The following DMBT1 variants were observed in gnomAD, a reference collection of about 807,000 sequenced individuals.
DMBT1 encodes the protein deleted in malignant brain tumors 1.
Under a neutral mutation model 252.9 loss-of-function variants are expected in DMBT1, and 198 were observed. That is an observed-to-expected ratio of 0.78 (90% CI 0.70 to 0.88). The LOEUF (loss-of-function observed/expected upper bound fraction) is 0.88, where lower values mean the gene tolerates loss of function less well. DMBT1 is among the 40% of genes least tolerant of loss of function. The pLI, the probability that DMBT1 is intolerant of heterozygous loss-of-function variation, is 0.00. For missense variants in DMBT1, 2,432 were observed against 2,404.7 expected, an observed-to-expected ratio of 1.01 and a Z score of -0.24; for synonymous variants, 990 against 942.7, an observed-to-expected ratio of 1.05 and a Z score of -0.92.
Position 122,578,653 on chromosome 10 carries a change from C to T in DMBT1, c.638-65C>T, listed in dbSNP as rs974103247. On this transcript the variant is annotated intron_variant, in intron 8 of 55. Transcript: ENST00000338354. ...ACAGTGCTTGCCTGGTCCAGAGAAC[C>T]GCTTGTTTTTTACCTTTTTCCCTTC... 61 of 1,407,650 alleles carry T rather than the reference C, an allele frequency of 4.3e-5. 1 individual carries two copies. The East Asian group carries it at 7.7e-4, about 18-fold the overall frequency. 87.2% of individuals were successfully genotyped at this position (1,407,650 alleles called of 1,614,324 possible). A position where few individuals can be genotyped will look rare whatever the true frequency, so the allele number is the denominator to read the frequency against.
At chr10:122,633,467 G>T (rs2098183347) in intron 52 of DMBT1, 126 bp downstream of exon 52, 7 of 1,466,246 alleles carry the variant, frequency 4.8e-6, no homozygotes, top group Non-Finnish European at 4.6e-6. Flanking sequence ...GGGAATAAAT[G>T]GTGCTTAGAA....
intron 39 of DMBT1, among the ~76,000 whole-genome samples, chr10:122,616,867 G>A (rs1414877135): frequency 8.9e-5 from 7 of 78,956 alleles, no homozygotes; most frequent in Non-Finnish European, 1.2e-4. Flanking sequence ...ATTGTCCCCT[G>A]GGCAGCCCCT....
chr10:122,593,212 T>C (rs1275873887), intron 20 of DMBT1, among the ~76,000 whole-genome samples: 3 of 148,834 alleles, frequency 2.0e-5, no homozygotes, highest in African/African-American at 4.9e-5. Flanking sequence ...ATGGCCTTGT[T>C]ATTGCCTGTG....
chr10:122,568,931 G>C (rs562456946), intron 2 of DMBT1, among the ~76,000 whole-genome samples: 1 of 152,320 alleles, frequency 6.6e-6, no homozygotes, highest in East Asian at 1.9e-4. Context: ...ACCTTGCTCT[G>C]TGTATCTGCA....
chr10:122,591,442 C>G (rs371184887), intron 18 of DMBT1, 37 bp from the exon 19 acceptor site: 11 of 1,574,868 alleles, frequency 7.0e-6, no homozygotes, highest in Non-Finnish European at 9.5e-6. Flanking sequence ...TCTCCCTCAA[C>G]TTTAATTCTA....
In DMBT1 at chr10:122,573,790, A is replaced by G. The variant is rs115554496; in HGVS notation, c.283+28A>G. The G allele has an allele frequency of 0.011, 17,807 of 1,611,266 alleles. 1,065 individuals carry two copies. The South Asian group carries it at 0.13, about 12-fold the overall frequency. ...AACGTCTACTATGGGGGATCCCTGT[A>G]GGCTCATTACCCCCCTGCACCCCTA... On this transcript the variant is annotated intron_variant, in intron 6 of 55. Transcript: ENST00000338354.
At chr10:122,617,077 A>C in intron 39 of DMBT1, 151 bp from the exon 40 acceptor site, 1 of 930,480 alleles carries the variant, frequency 1.1e-6, no homozygotes, top group Non-Finnish European at 1.7e-6. Flanking sequence ...AGTTCACAGC[A>C]GAGGAGACCT....
At position 122,617,410 on chromosome 10, in the gene DMBT1, C is replaced by G. The variant is rs566400135; in HGVS notation, c.4891+150C>G. 3.9e-6 allele frequency: 4 copies of G among 1,033,160 alleles called. No individual in the cohort carries two copies. In the African/African-American group the frequency reaches 6.6e-5, roughly 17 times the overall value. The allele number at this position is 1,033,160 out of a possible 1,614,324, so 64.0% of individuals were successfully genotyped here. On this transcript the variant is annotated intron_variant, in intron 40 of 55. Transcript: ENST00000338354. ...GAAGGTGGAGTTTCTAGGGAGTCAGCCCTGGGTTTGATGTTTGAGGATGGA... is the reference window on the plus strand; with the variant it reads ...GAAGGTGGAGTTTCTAGGGAGTCAGGCCTGGGTTTGATGTTTGAGGATGGA...
At chr10:122,561,170 A>G (rs3019490) in intron 1 of DMBT1, among the ~76,000 whole-genome samples, 102,991 of 152,052 alleles carry the variant, frequency 0.68, 35,225 homozygotes, top group South Asian at 0.78. Context: ...AAACTTTGCA[A>G]CAATTGGTTA....
rs754643458 is a variant in DMBT1, at chr10:122,597,048, A to AGGCCAG, written c.2912_2913insGCCAGG (p.Ser971delinsArgProGly). The AGGCCAG allele has an allele frequency of 2.0e-4, 116 of 571,104 alleles. No homozygotes were observed. The highest frequency in any genetic ancestry group is 5.9e-4 in the South Asian group (26 of 43,854). 35.4% of individuals were successfully genotyped at this position (571,104 alleles called of 1,614,324 possible). Reference sequence around the variant, plus strand: ...AGCTGCCCACTCCTGGTCGACGCCCAGTCCAGGTGAGTCCCCAGTGTCCTT... The same window carrying AGGCCAG: ...AGCTGCCCACTCCTGGTCGACGCCCAGGCCAGGTCCAGGTGAGTCCCCAGTGTCCTT... On this transcript the variant is annotated protein_altering_variant, in exon 24 of 56. Transcript: ENST00000338354.
chr10:122,619,696 C>A (rs971064503), intron 42 of DMBT1, among the ~76,000 whole-genome samples: 1 of 152,224 alleles, frequency 6.6e-6, no homozygotes, highest in African/African-American at 2.4e-5. Context: ...CCTGGGAAGG[C>A]AATGTCAGTT....
At chr10:122,573,588 T>A (rs2097685465) in intron 5 of DMBT1, 127 bp from the exon 6 acceptor site, 3 of 1,216,220 alleles carry the variant, frequency 2.5e-6, no homozygotes, top group Non-Finnish European at 3.6e-6. Flanking sequence ...ATGGTTGGCT[T>A]TTAGCAATGG....
chr10:122,576,591 A>G lies in DMBT1; in HGVS notation c.476A>G (p.Gln159Arg). The change falls in exon 7 of 56, where the codon CAG becomes CGG. Residue 159 changes from glutamine to arginine, a missense_variant. Gln to Arg is a conservative substitution (Grantham distance 43). This residue lies in a region of DMBT1 where 1,264 missense variants were observed against 1,082.2 expected (regional missense o/e 1.17). Coordinates refer to ENST00000338354, the MANE Select transcript of DMBT1 (RefSeq NM_001377530.1). The part of the protein sequence containing the change: ...MSAPGNAWFG[Q>R]GSGPIALDDV... ...GCTCCAGGAAATGCCTGGTTTGGCC[A>G]GGGCTCAGGACCCATTGCCCTGGAT... 1.9e-6 allele frequency: 3 copies of G among 1,613,900 alleles called. No homozygotes were observed. The highest frequency in any genetic ancestry group is 2.5e-6 in the Non-Finnish European group (3 of 1,179,818).
At chr10:122,577,049 C>T (rs1447194845) in intron 7 of DMBT1, among the ~76,000 whole-genome samples, 2 of 152,216 alleles carry the variant, frequency 1.3e-5, no homozygotes, top group African/African-American at 4.8e-5. Flanking sequence ...AAGCTGCGAG[C>T]AGTGCCGCAA....
chr10:122,630,454 A>C lies in DMBT1; in HGVS notation c.5989A>C (p.Thr1997Pro), dbSNP rs1191145177. The change falls in exon 48 of 56, where the codon ACT (threonine) becomes CCT (proline). Residue 1997 changes from threonine (T) to proline (P), a missense_variant. Around this residue, in one of 3 missense-constraint regions of DMBT1, gnomAD observed 1,162 missense variants for 1,169.0 expected, o/e 0.99. Transcript: ENST00000338354. ...TCGAAGTGACATCAGTTTCCAAAACACTGGCTTTTTGGCTTGGTATAACTC... is the reference window on the plus strand; with the variant it reads ...TCGAAGTGACATCAGTTTCCAAAACCCTGGCTTTTTGGCTTGGTATAACTC... Reference protein sequence around the residue: ...HFRSDISFQNTGFLAWYNSFP... With the variant: ...HFRSDISFQNPGFLAWYNSFP... The C allele has an allele frequency of 3.7e-6, 6 of 1,613,894 alleles. No individual in the cohort carries two copies. In the African/African-American group the frequency reaches 8.0e-5, roughly 22 times the overall value.
intron 42 of DMBT1, 116 bp from the exon 43 acceptor site, chr10:122,620,137 T>A: frequency 1.8e-6 from 2 of 1,094,060 alleles, no homozygotes; most frequent in Non-Finnish European, 2.8e-6. Flanking sequence ...TTGGAGCAAG[T>A]GGCAGGAACC....
At chr10:122,617,152 C>T (rs1591447155) in intron 39 of DMBT1, 76 bp from the exon 40 acceptor site, 4 of 1,491,276 alleles carry the variant, frequency 2.7e-6, no homozygotes, top group Non-Finnish European at 2.8e-6. Context: ...TTGATTCCCC[C>T]TCCCAGAGAA....
chr10:122,570,452 C>T (rs1218827998), intron 3 of DMBT1, among the ~76,000 whole-genome samples: 1 of 152,204 alleles, frequency 6.6e-6, no homozygotes, highest in African/African-American at 2.4e-5. Flanking sequence ...TTTAGTTTTG[C>T]ATTCTGGAAT....
At chr10:122,578,457 TG>T (rs1302053311) in intron 8 of DMBT1, among the ~76,000 whole-genome samples, 1 of 151,844 alleles carries the variant, frequency 6.6e-6, no homozygotes, top group African/African-American at 2.4e-5. Context: ...CAGTGGATGG[TG>T]GGGGATGGGG....
Sources: allele counts gnomAD v4.1 joint callset (sites outside exome capture counted in the v4.1 genomes callset), GRCh38; gene constraint gnomAD v4.1.1; regional missense constraint gnomAD v4.1.1; transcripts MANE v1.5; gene names NCBI Gene and HGNC (gene_info 2026-07-23, HGNC 2026-07-21).